TMEM236: variants seen among roughly 807,000 people sequenced by gnomAD.
The protein encoded by TMEM236 is transmembrane protein 236.
A neutral mutation model predicts 14.7 loss-of-function variants in TMEM236; 11 were observed. The observed-to-expected ratio is 0.75, with a 90% CI of 0.47 to 1.24. The LOEUF (loss-of-function observed/expected upper bound fraction) is 1.24. Ranked by LOEUF, TMEM236 falls within the 50% of genes most tolerant of loss-of-function variation. The pLI is 0.00. For synonymous variants in TMEM236, 182 were observed against 168.6 expected, an observed-to-expected ratio of 1.08 and a Z score of -0.62; for missense variants, 464 against 427.3, an observed-to-expected ratio of 1.09 and a Z score of -0.76.
intron 1 of TMEM236, among the ~76,000 whole-genome samples, chr10:17,764,834 TCCC>T (rs1463398765): frequency 1.5e-5 from 2 of 134,504 alleles, no homozygotes; most frequent in Non-Finnish European, 3.2e-5. Context: ...TTTCAGATTT[TCCC>T]TTTTTTTTTT....
At chr10:17,780,052 A>T (rs1837721759) in intron 3 of TMEM236, among the ~76,000 whole-genome samples, 2 of 152,182 alleles carry the variant, frequency 1.3e-5, no homozygotes, top group Admixed American at 6.5e-5. Context: ...CTTGGAAACA[A>T]CAGCCTTTTA....
In TMEM236 at chr10:17,755,216, G is replaced by A. The variant is rs1014966673; in HGVS notation, c.257+2664G>A. ...TCTGCCTGCCTCGGCCTCCCAAAGT[G>A]CTGGGATTATAGGCATAAGCCACTG... On this transcript the variant is annotated intron_variant, in intron 1 of 3. Transcript: ENST00000377495. Among the ~76,000 whole-genome samples, 3 of 151,834 alleles carry A rather than the reference G, an allele frequency of 2.0e-5. No homozygotes were observed. The East Asian group carries it at 5.8e-4, about 29-fold the overall frequency.
intron 3 of TMEM236, among the ~76,000 whole-genome samples, chr10:17,789,360 C>G (rs1229159053): frequency 6.6e-6 from 1 of 152,152 alleles, no homozygotes; most frequent in Non-Finnish European, 1.5e-5. Context: ...TTTACTGCAA[C>G]CTAATATATT....
In TMEM236 at chr10:17,774,626, AG is replaced by A. The variant is rs1407781436; in HGVS notation, c.331-1402del. Among the ~76,000 whole-genome samples the A allele has an allele frequency of 1.6e-3, 249 of 152,288 alleles. 1 individual carries two copies. The highest frequency in any genetic ancestry group is 5.5e-3 in the African/African-American group (228 of 41,562). ...TATACTAGTTCTTTATATCCAGAAG[AG>A]TAAATCTTCCTAGCTTATTCTTTTT... On this transcript the variant is annotated intron_variant, in intron 2 of 3. Transcript: ENST00000377495.
At position 17,800,579 on chromosome 10, in the gene TMEM236, T is replaced by G. The variant is rs1328278928; in HGVS notation, c.*4075T>G. On this transcript the variant is annotated 3_prime_UTR_variant, in exon 4 of 4. Transcript: ENST00000377495. ...TGAGGCATAGGAAAGAAAAGGGAAA[T>G]GAAATTGCTTGCTGAAGTCCTACTA... 3 of 152,176 alleles carry G rather than the reference T, an allele frequency of 2.0e-5. No homozygotes were observed. Among genetic ancestry groups the G allele is most frequent in the Non-Finnish European group, 4.4e-5 (3 of 68,034 alleles). 9.4% of individuals were successfully genotyped at this position (152,176 alleles called of 1,614,324 possible).
At chr10:17,773,950 C>T (rs1837615734) in intron 2 of TMEM236, among the ~76,000 whole-genome samples, 1 of 152,056 alleles carries the variant, frequency 6.6e-6, no homozygotes, top group African/African-American at 2.4e-5. Flanking sequence ...ATGGATAGTG[C>T]TTGGGTCACT....
At chr10:17,780,078 A>C (rs1398929749) in intron 3 of TMEM236, among the ~76,000 whole-genome samples, 1 of 152,138 alleles carries the variant, frequency 6.6e-6, no homozygotes, top group Non-Finnish European at 1.5e-5. Flanking sequence ...TAGAGTGTAT[A>C]TGTACCAACA....
chr10:17,770,978 G>T (rs1384000192), intron 1 of TMEM236, among the ~76,000 whole-genome samples: 1 of 152,216 alleles, frequency 6.6e-6, no homozygotes, highest in African/African-American at 2.4e-5. Context: ...TATTCAGTTG[G>T]TCACTACAGC....
At chr10:17,783,909 T>C (rs1411298583) in intron 3 of TMEM236, among the ~76,000 whole-genome samples, 1 of 152,198 alleles carries the variant, frequency 6.6e-6, no homozygotes, top group Non-Finnish European at 1.5e-5. Context: ...GTTTTTATGT[T>C]GGTATGGCCA....
At chr10:17,762,716 G>A (rs1025860675) in intron 1 of TMEM236, among the ~76,000 whole-genome samples, 21 of 149,380 alleles carry the variant, frequency 1.4e-4, no homozygotes, top group Non-Finnish European at 2.5e-4. Flanking sequence ...CACCCGGGTT[G>A]GAGTGCAGTG....
At chr10:17,781,464 G>A (rs1016107150) in intron 3 of TMEM236, among the ~76,000 whole-genome samples, 12 of 152,192 alleles carry the variant, frequency 7.9e-5, no homozygotes, top group East Asian at 1.9e-4. Context: ...GCAGCCCGGC[G>A]TGGTGGCTCA....
chr10:17,774,546 T>C (rs891113004), intron 2 of TMEM236, among the ~76,000 whole-genome samples: 32 of 152,214 alleles, frequency 2.1e-4, no homozygotes, highest in Non-Finnish European at 4.3e-4. Context: ...ATAAATCAAG[T>C]GTAGATATAC....
rs1186813561 is a variant in TMEM236, at chr10:17,769,775, G to T, written c.258-1534G>T. The stretch of plus-strand genomic sequence containing the variant: ...CACCTAGGACATCTAAGATGGTGCT[G>T]GGATGGGGGAGGCAAGACAGCGCCA... On this transcript the variant is annotated intron_variant, in intron 1 of 3. Coordinates refer to ENST00000377495, the MANE Select transcript of TMEM236 (RefSeq NM_001098844.3). Among the ~76,000 whole-genome samples the T allele has an allele frequency of 2.0e-5, 3 of 152,126 alleles. No homozygotes were observed. The East Asian group carries it at 5.8e-4, about 29-fold the overall frequency.
chr10:17,754,735 A>T (rs1159771661), intron 1 of TMEM236, among the ~76,000 whole-genome samples: 1 of 152,204 alleles, frequency 6.6e-6, no homozygotes, highest in East Asian at 1.9e-4. Flanking sequence ...ATAAATCAGG[A>T]TTTAATGTTA....
intron 1 of TMEM236, among the ~76,000 whole-genome samples, chr10:17,770,830 T>C (rs1275403568): frequency 6.6e-6 from 1 of 150,578 alleles, no homozygotes; most frequent in Non-Finnish European, 1.5e-5. Flanking sequence ...TATGGTTTTT[T>C]TTGGTTCTAG....
At chr10:17,767,122 A>G (rs370425647) in intron 1 of TMEM236, among the ~76,000 whole-genome samples, 15,489 of 152,192 alleles carry the variant, frequency 0.1, 899 homozygotes, top group Middle Eastern at 0.14. Flanking sequence ...GGATTTCAAC[A>G]TATCTTTTTG....
At chr10:17,772,418 C>G (rs1374128010) in intron 2 of TMEM236, among the ~76,000 whole-genome samples, 1 of 152,194 alleles carries the variant, frequency 6.6e-6, no homozygotes, top group Non-Finnish European at 1.5e-5. Context: ...GTCTTTTCCC[C>G]TCTCAAAGAC....
rs1302316877 is a variant in TMEM236 at position 17,798,274 on chromosome 10, C to G, written c.*1770C>G. The stretch of plus-strand genomic sequence containing the variant: ...TGACATATGGCCGGCTGTGGTGGCT[C>G]ACACGTGTAATCCCAGCACTTTGGG... On this transcript the variant is annotated 3_prime_UTR_variant, in exon 4 of 4. Transcript: ENST00000377495. 4.0e-6 allele frequency: 1 copy of G among 248,098 alleles called. No homozygotes were observed. The highest frequency in any genetic ancestry group is 2.3e-5 in the African/African-American group (1 of 43,852). 15.4% of individuals were successfully genotyped at this position (248,098 alleles called of 1,614,324 possible). A position where few individuals can be genotyped will look rare whatever the true frequency, so the allele number is the denominator to read the frequency against.
chr10:17,786,242 TC>T (rs1383885694), intron 3 of TMEM236, among the ~76,000 whole-genome samples: 4 of 152,226 alleles, frequency 2.6e-5, no homozygotes, highest in African/African-American at 9.7e-5. Context: ...AGCCTTGTGT[TC>T]CATATTATTA....
Sources: gnomAD v4.1 joint callset for allele counts (sites outside exome capture counted in the v4.1 genomes callset) on GRCh38, gnomAD v4.1.1 for gene constraint, MANE v1.5 for transcripts, NCBI Gene and HGNC (gene_info 2026-07-23, HGNC 2026-07-21) for gene names.